PTPN13: variants seen among roughly 807,000 people sequenced by gnomAD.
PTPN13 encodes the protein protein tyrosine phosphatase non-receptor type 13.
PTPN13 carries 191 observed loss-of-function variants against 284.0 expected under a neutral mutation model. That is an observed-to-expected ratio of 0.67 (90% CI 0.60 to 0.76). PTPN13 has a LOEUF of 0.76. Ranked by LOEUF, PTPN13 falls within the 30% of genes least tolerant of loss-of-function variation. The pLI, the probability that PTPN13 is intolerant of heterozygous loss-of-function variation, is 0.00. For missense variants in PTPN13, 2,797 were observed against 2,939.9 expected, an observed-to-expected ratio of 0.95 and a Z score of 1.12; for synonymous variants, 986 against 1,022.3, an observed-to-expected ratio of 0.96 and a Z score of 0.68.
chr4:86,724,980 C>A (rs983793195), intron 10 of PTPN13, among the ~76,000 whole-genome samples: 2 of 150,842 alleles, frequency 1.3e-5, no homozygotes, highest in South Asian at 2.1e-4. Flanking sequence ...CCCCCACCCC[C>A]CAACAGAACT....
intron 10 of PTPN13, 66 bp downstream of exon 10, chr4:86,722,500 C>T: frequency 7.2e-7 from 1 of 1,391,252 alleles, no homozygotes; most frequent in Non-Finnish European, 1.0e-6. Flanking sequence ...GGGCAAAGTA[C>T]TTTTAAAAAT....
At position 86,639,263 on chromosome 4, in the gene PTPN13, A is replaced by G. The variant is rs866563883; in HGVS notation, c.115+3892A>G. On this transcript the variant is annotated intron_variant, in intron 2 of 47. Transcript: ENST00000411767. ...ACTAGTTCAACCATTGTGGAAGTCA[A>G]TGTGGCGATTCCTCAGGGATCTAGA... Among the ~76,000 whole-genome samples, 1,020 of 151,512 alleles carry G rather than the reference A, an allele frequency of 6.7e-3. 6 individuals are homozygous for G. Among genetic ancestry groups the G allele is most frequent in the Middle Eastern group, 0.014 (4 of 294 alleles).
intron 42 of PTPN13, among the ~76,000 whole-genome samples, chr4:86,800,000 G>C (rs2149362579): frequency 6.6e-6 from 1 of 151,664 alleles, no homozygotes; most frequent in Admixed American, 6.6e-5. Context: ...ACCATGCCTG[G>C]CTATTTTTTC....
chr4:86,643,433 A>T (rs1043566061), intron 2 of PTPN13, among the ~76,000 whole-genome samples: 1 of 152,212 alleles, frequency 6.6e-6, no homozygotes, highest in Non-Finnish European at 1.5e-5. Context: ...ACAAATTACT[A>T]TAGAAAGCTA....
At chr4:86,715,202 T>C (rs892020495) in intron 7 of PTPN13, among the ~76,000 whole-genome samples, 2 of 151,676 alleles carry the variant, frequency 1.3e-5, no homozygotes, top group Non-Finnish European at 2.9e-5. Context: ...ATATTTAAAT[T>C]GTTGTGTTTG....
At chr4:86,795,989 A>G (rs150560499) in intron 40 of PTPN13, among the ~76,000 whole-genome samples, 15,127 of 152,172 alleles carry the variant, frequency 0.099, 866 homozygotes, top group Non-Finnish European at 0.11. Context: ...GTCTACCTAC[A>G]TAACAAACCT....
chr4:86,617,263 A>T (rs112648586), intron 1 of PTPN13, among the ~76,000 whole-genome samples: 2 of 152,184 alleles, frequency 1.3e-5, no homozygotes, highest in African/African-American at 4.8e-5. Context: ...TAAAAATTCA[A>T]TTCGTCTGTT....
chr4:86,699,401 A>C (rs1730914268), intron 6 of PTPN13, among the ~76,000 whole-genome samples: 1 of 152,074 alleles, frequency 6.6e-6, no homozygotes, highest in Non-Finnish European at 1.5e-5. Flanking sequence ...CAAAAAAAAA[A>C]AGTAGACATA....
At position 86,766,487 on chromosome 4, in the gene PTPN13, A is replaced by G. The variant is rs770962038; in HGVS notation, c.4299A>G (p.Gln1433=). Residue 1433 remains glutamine, a synonymous_variant, in exon 27 of 48, where the codon CAA becomes CAG. Transcript: ENST00000411767. ...GVSLEGATHK[Q]AVETLRNTGQ... is the part of the protein sequence containing the mutation. Reference sequence around the variant, plus strand: ...GTCTAGAAGGAGCCACCCATAAGCAAGCTGTGGAAACACTGAGAAATACAG... The same window carrying G: ...GTCTAGAAGGAGCCACCCATAAGCAGGCTGTGGAAACACTGAGAAATACAG... The G allele has an allele frequency of 1.2e-6, 2 of 1,610,178 alleles. No individual in the cohort carries two copies. Among genetic ancestry groups the G allele is most frequent in the South Asian group, 1.1e-5 (1 of 89,784 alleles).
At chr4:86,771,674 A>AT in intron 31 of PTPN13, 139 bp downstream of exon 31, 1 of 939,880 alleles carries the variant, frequency 1.1e-6, no homozygotes. Context: ...ACTCTATTGG[A>AT]TGTCTAGCTA....
At chr4:86,623,791 C>T (rs868181226) in intron 1 of PTPN13, among the ~76,000 whole-genome samples, 3 of 152,150 alleles carry the variant, frequency 2.0e-5, no homozygotes, top group Admixed American at 6.6e-5. Context: ...GACAAACTCT[C>T]AGTGAGGGCT....
intron 9 of PTPN13, among the ~76,000 whole-genome samples, 196 bp from the exon 10 acceptor site, chr4:86,722,016 G>C (rs71605612): frequency 0.082 from 12,421 of 151,934 alleles, 640 homozygotes; most frequent in Non-Finnish European, 0.11. Flanking sequence ...CAAAGTGCTG[G>C]GATTGCAGGC....
At chr4:86,803,394 C>A (rs1318672720) in intron 42 of PTPN13, among the ~76,000 whole-genome samples, 1 of 151,946 alleles carries the variant, frequency 6.6e-6, no homozygotes, top group African/African-American at 2.4e-5. Flanking sequence ...AGTTCAAGAC[C>A]AGCCTGGGCA....
intron 41 of PTPN13, 94 bp from the exon 42 acceptor site, chr4:86,799,007 A>G (rs974196427): frequency 1.3e-6 from 1 of 751,258 alleles, no homozygotes. Flanking sequence ...CTATTTTAAA[A>G]TACTATAATA....
chr4:86,763,322 T>C (rs1375165685), intron 24 of PTPN13, 132 bp downstream of exon 24: 21 of 779,398 alleles, frequency 2.7e-5, no homozygotes, highest in Non-Finnish European at 4.3e-5. Flanking sequence ...TATCTTCTAA[T>C]TGCTACTGCA....
chr4:86,606,586 C>T (rs1387408660), intron 1 of PTPN13, among the ~76,000 whole-genome samples: 1 of 151,748 alleles, frequency 6.6e-6, no homozygotes, highest in East Asian at 1.9e-4. Flanking sequence ...GTATCTATTC[C>T]TAAAAAGTTT....
At chr4:86,743,901 T>C (rs1048990802) in intron 16 of PTPN13, among the ~76,000 whole-genome samples, 1 of 152,138 alleles carries the variant, frequency 6.6e-6, no homozygotes, top group Non-Finnish European at 1.5e-5. Context: ...AGAGCTAGAG[T>C]ACAGTCTAAC....
At chr4:86,813,912 C>T (rs770998408) in intron 47 of PTPN13, among the ~76,000 whole-genome samples, 1 of 151,880 alleles carries the variant, frequency 6.6e-6, no homozygotes, top group Non-Finnish European at 1.5e-5. Flanking sequence ...AGTTCCATCC[C>T]GCATCCCTCA....
At position 86,778,111 on chromosome 4, in the gene PTPN13, T is replaced by C. The variant is rs186362183; in HGVS notation, c.5892-2291T>C. Among the ~76,000 whole-genome samples the C allele has an allele frequency of 7.0e-4, 106 of 152,302 alleles. 1 individual carries two copies. Among genetic ancestry groups the C allele is most frequent in the Admixed American group, 1.8e-3 (28 of 15,300 alleles). On this transcript the variant is annotated intron_variant, in intron 35 of 47. Coordinates refer to ENST00000411767, the MANE Select transcript of PTPN13 (RefSeq NM_080683.3). Reference sequence around the variant, plus strand: ...TGTTCTTCTTCTAGCTCTCTCTTCATTGTGTTTATCTACCCTCTTTTATTA... The same window carrying C: ...TGTTCTTCTTCTAGCTCTCTCTTCACTGTGTTTATCTACCCTCTTTTATTA...
Sources: allele counts gnomAD v4.1 joint callset (sites outside exome capture counted in the v4.1 genomes callset), GRCh38; gene constraint gnomAD v4.1.1; transcripts MANE v1.5; gene names NCBI Gene and HGNC (gene_info 2026-07-23, HGNC 2026-07-21).